TMED10: variants seen among roughly 807,000 people sequenced by gnomAD.
The protein encoded by TMED10 is transmembrane p24 trafficking protein 10.
A neutral mutation model predicts 23.1 loss-of-function variants in TMED10; 7 were observed. The observed-to-expected ratio is 0.30, with a 90% CI of 0.17 to 0.57. The LOEUF is 0.57. Among genes scored for constraint, TMED10 ranks in the 20% least tolerant of loss-of-function variants. The probability of loss-of-function intolerance (pLI) is 0.91; values close to 1 mark genes in which losing one functional copy is unlikely to be tolerated. For synonymous variants in TMED10, 113 were observed against 106.9 expected (o/e 1.06, Z -0.35); for missense variants, 162 against 274.8 (o/e 0.59, Z 2.90).
chr14:75,139,727 T>TCTC lies in TMED10; in HGVS notation c.412-3844_412-3842dup, dbSNP rs559714937. On this transcript the variant is annotated intron_variant, in intron 3 of 4. Coordinates refer to ENST00000303575, the MANE Select transcript of TMED10 (RefSeq NM_006827.6). Reference sequence around the variant, plus strand: ...TAGTGGGATGAAGGTCTCATTTTGGTCTCATTTCCTAGAAGCCATTTTTGC... The same window carrying TCTC: ...TAGTGGGATGAAGGTCTCATTTTGGTCTCCTCATTTCCTAGAAGCCATTTTTGC... 1.2e-4 allele frequency among the ~76,000 whole-genome samples: 18 copies of TCTC among 152,146 alleles called. No individual in the cohort carries two copies. The East Asian group carries it at 3.3e-3, about 28-fold the overall frequency.
intron 3 of TMED10, among the ~76,000 whole-genome samples, chr14:75,137,538 G>T (rs1473979563): frequency 6.7e-6 from 1 of 150,114 alleles, no homozygotes; most frequent in Non-Finnish European, 1.5e-5. Context: ...AGCTGGGCGT[G>T]GTGGCGGGCG....
At chr14:75,164,184 G>A (rs1018189592) in intron 1 of TMED10, among the ~76,000 whole-genome samples, 1 of 149,954 alleles carries the variant, frequency 6.7e-6, no homozygotes, top group Non-Finnish European at 1.5e-5. Flanking sequence ...TTGTGCCTCA[G>A]CCTCCAGAGT....
intron 1 of TMED10, among the ~76,000 whole-genome samples, chr14:75,158,416 C>A (rs1406328250): frequency 6.6e-6 from 1 of 152,168 alleles, no homozygotes; most frequent in South Asian, 2.1e-4. Context: ...CAGCCTCAAC[C>A]TCGTAGGCTC....
At chr14:75,138,954 TC>T (rs1212026613) in intron 3 of TMED10, 2 of 285,450 alleles carry the variant, frequency 7.0e-6, no homozygotes, top group Non-Finnish European at 1.4e-5. Context: ...CACAAGCTGT[TC>T]CCAATCCCTT....
rs1194424891 is a variant in TMED10, at chr14:75,137,535, C to T, written c.412-1649G>A. On this transcript the variant is annotated intron_variant, in intron 3 of 4. Transcript: ENST00000303575. ...AAAATAAAAAAAAAAAATAGCTGGG[C>T]GTGGTGGCGGGCGCCTGTAGTCCCA... Among the ~76,000 whole-genome samples, 3 of 149,576 alleles carry T rather than the reference C, an allele frequency of 2.0e-5. No homozygotes were observed. In the East Asian group the frequency reaches 6.3e-4, roughly 31 times the overall value.
At chr14:75,138,988 T>C (rs1056150092) in intron 3 of TMED10, 1 of 307,258 alleles carries the variant, frequency 3.3e-6, no homozygotes, top group Admixed American at 4.9e-5. Flanking sequence ...ACTTATTTTT[T>C]AGTTGTACAA....
At chr14:75,142,309 C>T (rs1179105874) in intron 3 of TMED10, among the ~76,000 whole-genome samples, 1 of 152,174 alleles carries the variant, frequency 6.6e-6, no homozygotes, top group Non-Finnish European at 1.5e-5. Context: ...AATGAGGAAA[C>T]TAAAGATTCC....
At chr14:75,163,552 CAAAAAAAAAAAAAAA>C (rs758185921) in intron 1 of TMED10, among the ~76,000 whole-genome samples, 2 of 60,758 alleles carry the variant, frequency 3.3e-5, no homozygotes, top group African/African-American at 6.2e-5. Flanking sequence ...GACTCCGTAT[CAAAAAAAAAAAAAAA>C]AAAAAAAAAA....
intron 1 of TMED10, among the ~76,000 whole-genome samples, chr14:75,164,314 C>T (rs1463789282): frequency 6.7e-6 from 1 of 149,846 alleles, no homozygotes; most frequent in East Asian, 2.0e-4. Flanking sequence ...TCACTGCAAC[C>T]TCCACCTCCG....
Position 75,132,390 on chromosome 14 carries a change from C to G in TMED10, c.*2495G>C, listed in dbSNP as rs1446326013. 3.4e-5 allele frequency: 4 copies of G among 117,630 alleles called. 1 individual carries two copies. Among genetic ancestry groups the G allele is most frequent in the Middle Eastern group, 3.9e-3 (1 of 258 alleles). 7.3% of individuals were successfully genotyped at this position (117,630 alleles called of 1,614,324 possible). ...GCGTTGCAGCAAGACTCCGTCCCCC[C>G]CCCCCCAAAAAAAAAAAAGTTTAAG... On this transcript the variant is annotated 3_prime_UTR_variant, in exon 5 of 5. Coordinates refer to ENST00000303575, the MANE Select transcript of TMED10 (RefSeq NM_006827.6).
chr14:75,163,294 T>G (rs142530110), intron 1 of TMED10, among the ~76,000 whole-genome samples: 1 of 151,970 alleles, frequency 6.6e-6, no homozygotes, highest in Admixed American at 6.5e-5. Flanking sequence ...GGCTCACGCC[T>G]GTAATCCCAG....
chr14:75,169,743 T>C (rs1315050885), intron 1 of TMED10, among the ~76,000 whole-genome samples: 1 of 152,218 alleles, frequency 6.6e-6, no homozygotes, highest in African/African-American at 2.4e-5. Flanking sequence ...GTTCTCCTCC[T>C]ACCTCAAATC....
intron 2 of TMED10, among the ~76,000 whole-genome samples, chr14:75,151,197 G>A (rs1376934861): frequency 6.7e-6 from 1 of 149,338 alleles, no homozygotes; most frequent in Admixed American, 6.7e-5. Context: ...GAGTCACTGC[G>A]CCCGGCCAGT....
chr14:75,168,385 A>G (rs564044471), intron 1 of TMED10, among the ~76,000 whole-genome samples: 1 of 152,350 alleles, frequency 6.6e-6, no homozygotes, highest in East Asian at 1.9e-4. Flanking sequence ...AAAGAATCAC[A>G]AACTACTCAT....
intron 2 of TMED10, among the ~76,000 whole-genome samples, chr14:75,148,348 A>G (rs1895913534): frequency 1.3e-5 from 2 of 152,094 alleles, no homozygotes; most frequent in African/African-American, 4.8e-5. Context: ...GTAGGAGTAC[A>G]ATGTCATAGA....
chr14:75,163,510 G>A (rs933867381), intron 1 of TMED10, among the ~76,000 whole-genome samples: 3 of 132,040 alleles, frequency 2.3e-5, no homozygotes, highest in Non-Finnish European at 3.1e-5. Context: ...CCGAGATCTC[G>A]CCACTGCACT....
At chr14:75,160,296 A>G (rs968177434) in intron 1 of TMED10, among the ~76,000 whole-genome samples, 49 of 152,232 alleles carry the variant, frequency 3.2e-4, no homozygotes, top group African/African-American at 1.2e-3. Context: ...CCCAACCCCA[A>G]TATCATTACA....
intron 1 of TMED10, among the ~76,000 whole-genome samples, chr14:75,170,742 C>G (rs937565571): frequency 2.6e-5 from 4 of 152,184 alleles, no homozygotes; most frequent in Non-Finnish European, 4.4e-5. Context: ...ATAAATTCTG[C>G]ATTTATCCTA....
Position 75,176,498 on chromosome 14 carries a change from A to G in TMED10, c.82T>C (p.Leu28=), listed in dbSNP as rs1288383656. The G allele has an allele frequency of 1.2e-6, 2 of 1,614,222 alleles. No individual in the cohort carries two copies. Among genetic ancestry groups the G allele is most frequent in the South Asian group, 1.1e-5 (1 of 91,090 alleles). Residue 28 remains leucine (L), a synonymous_variant, in exon 1 of 5, where the codon TTG becomes CTG. Coordinates refer to ENST00000303575, the MANE Select transcript of TMED10 (RefSeq NM_006827.6). ...LLLLFLLGPR[L]VLAISFHLPI... is the part of the protein sequence containing the mutation. ...AGATGGAAGGAGATGGCAAGGACCA[A>G]TCTGGGGCCGAGCAGGAACAAAAGC...
Sources: allele counts gnomAD v4.1 joint callset (sites outside exome capture counted in the v4.1 genomes callset), GRCh38; gene constraint gnomAD v4.1.1; transcripts MANE v1.5; gene names NCBI Gene and HGNC (gene_info 2026-07-23, HGNC 2026-07-21).